Variants in EFCAB6 observed in about 807,000 individuals in gnomAD.
EFCAB6 encodes EF-hand calcium binding domain 6.
A neutral mutation model predicts 169.8 loss-of-function variants in EFCAB6; 156 were observed. The ratio of observed to expected loss-of-function variants is 0.92; its 90% CI spans 0.81 to 1.05. The LOEUF is 1.05. Ranked by LOEUF, EFCAB6 falls within the 50% of genes least tolerant of loss-of-function variation. EFCAB6 has a pLI of 0.00. For synonymous variants in EFCAB6, 698 were observed against 676.4 expected, an observed-to-expected ratio of 1.03 and a Z score of -0.50; for missense variants, 1,800 against 1,829.1, an observed-to-expected ratio of 0.98 and a Z score of 0.29.
At chr22:43,682,772 G>A (rs997588686) in intron 12 of EFCAB6, among the ~76,000 whole-genome samples, 5 of 152,156 alleles carry the variant, frequency 3.3e-5, no homozygotes, top group Non-Finnish European at 7.4e-5. Context: ...CATTTAAGAC[G>A]GTGCCTGGCA....
At chr22:43,618,222 G>GAAAGAA (rs1346599117) in intron 20 of EFCAB6, among the ~76,000 whole-genome samples, 1 of 98,408 alleles carries the variant, frequency 1.0e-5, no homozygotes, top group Non-Finnish European at 2.2e-5. Context: ...AAGAAAGAAA[G>GAAAGAA]AGAAAGAAAG....
At chr22:43,676,592 A>T (rs2057773684) in intron 13 of EFCAB6, among the ~76,000 whole-genome samples, 1 of 152,152 alleles carries the variant, frequency 6.6e-6, no homozygotes, top group African/African-American at 2.4e-5. Context: ...CATATTTTCT[A>T]ATCTACAATG....
intron 21 of EFCAB6, among the ~76,000 whole-genome samples, chr22:43,612,768 C>G (rs888852502): frequency 6.6e-6 from 1 of 152,036 alleles, no homozygotes; most frequent in African/African-American, 2.4e-5. Context: ...GTGGCATGCA[C>G]CTGTAGTCCG....
chr22:43,591,622 G>C (rs1195521337), intron 23 of EFCAB6, among the ~76,000 whole-genome samples: 1 of 152,158 alleles, frequency 6.6e-6, no homozygotes, highest in African/African-American at 2.4e-5. Context: ...AACAGGAACA[G>C]GACAGCATGC....
intron 8 of EFCAB6, among the ~76,000 whole-genome samples, chr22:43,728,802 ATATTAGACC>A (rs2059831965): frequency 6.6e-6 from 1 of 152,026 alleles, no homozygotes; most frequent in Non-Finnish European, 1.5e-5. Context: ...TAGATTCTGG[ATATTAGACC>A]TCTGTCAGAT....
chr22:43,622,750 G>C (rs1363394335), intron 20 of EFCAB6, among the ~76,000 whole-genome samples: 2 of 152,094 alleles, frequency 1.3e-5, no homozygotes, highest in African/African-American at 2.4e-5. Context: ...CTAAAAAAGA[G>C]AGAGAGAGAG....
chr22:43,753,104 T>C (rs527247694), intron 6 of EFCAB6, among the ~76,000 whole-genome samples: 2 of 152,258 alleles, frequency 1.3e-5, no homozygotes, highest in Admixed American at 1.3e-4. Context: ...TGAGAAACCA[T>C]CCACGGCACC....
intron 8 of EFCAB6, among the ~76,000 whole-genome samples, chr22:43,731,169 T>C (rs1031089386): frequency 2.5e-4 from 38 of 152,164 alleles, no homozygotes; most frequent in African/African-American, 8.9e-4. Context: ...GGGCGTCGTA[T>C]GGAGGAGGCT....
intron 17 of EFCAB6, among the ~76,000 whole-genome samples, chr22:43,637,025 A>C (rs2055454734): frequency 6.6e-6 from 1 of 152,184 alleles, no homozygotes; most frequent in Non-Finnish European, 1.5e-5. Flanking sequence ...GGGAGCGGCA[A>C]GCAGCTCTGC....
chr22:43,546,321 G>A (rs1483269034), intron 27 of EFCAB6, among the ~76,000 whole-genome samples: 1 of 152,180 alleles, frequency 6.6e-6, no homozygotes, highest in African/African-American at 2.4e-5. Context: ...TGAAGATAGA[G>A]TACAACAGTC....
At chr22:43,666,993 G>A (rs2157231) in intron 17 of EFCAB6, 111 bp downstream of exon 17, 3 of 1,286,714 alleles carry the variant, frequency 2.3e-6, no homozygotes, top group South Asian at 2.3e-5. Context: ...AAGATGCCTA[G>A]AAATGGATCT....
At chr22:43,682,807 T>C (rs1475518066) in intron 12 of EFCAB6, among the ~76,000 whole-genome samples, 1 of 152,218 alleles carries the variant, frequency 6.6e-6, no homozygotes, top group Non-Finnish European at 1.5e-5. Context: ...AACATTATTG[T>C]TCATTCAGAG....
chr22:43,578,591 A>C (rs2050414988), intron 25 of EFCAB6, among the ~76,000 whole-genome samples: 2 of 152,028 alleles, frequency 1.3e-5, no homozygotes, highest in Non-Finnish European at 2.9e-5. Flanking sequence ...ATCCAAGGAC[A>C]CCAGCACAGT....
intron 6 of EFCAB6, among the ~76,000 whole-genome samples, chr22:43,737,599 TCA>T (rs1352372677): frequency 2.2e-5 from 3 of 136,510 alleles, no homozygotes; most frequent in East Asian, 2.3e-4. Context: ...ACACCATCAC[TCA>T]CACACATATA....
At chr22:43,631,041 C>T (rs2054903183) in intron 19 of EFCAB6, among the ~76,000 whole-genome samples, 1 of 151,910 alleles carries the variant, frequency 6.6e-6, no homozygotes, top group African/African-American at 2.4e-5. Flanking sequence ...AAATGAATCT[C>T]CAGGGGTGAT....
At chr22:43,784,245 G>T (rs191964335) in intron 2 of EFCAB6, among the ~76,000 whole-genome samples, 1 of 152,002 alleles carries the variant, frequency 6.6e-6, no homozygotes, top group Non-Finnish European at 1.5e-5. Flanking sequence ...CAAACTCAAT[G>T]AAATTACTCT....
At chr22:43,539,885 C>T (rs1399027834) in intron 28 of EFCAB6, among the ~76,000 whole-genome samples, 1 of 152,190 alleles carries the variant, frequency 6.6e-6, no homozygotes, top group South Asian at 2.1e-4. Flanking sequence ...CCACCTTGCA[C>T]CCGCTCTTGC....
At chr22:43,548,257 G>C (rs552757899) in intron 27 of EFCAB6, among the ~76,000 whole-genome samples, 1 of 152,036 alleles carries the variant, frequency 6.6e-6, no homozygotes, top group Non-Finnish European at 1.5e-5. Context: ...AAAAAATCCA[G>C]CTGGGCAAGG....
At chr22:43,650,793 T>C (rs1170612469) in intron 17 of EFCAB6, among the ~76,000 whole-genome samples, 3 of 152,202 alleles carry the variant, frequency 2.0e-5, no homozygotes, top group African/African-American at 7.2e-5. Flanking sequence ...TGTTGGGAAC[T>C]GGAGCAAAGG....
Sources: allele counts gnomAD v4.1 joint callset (sites outside exome capture counted in the v4.1 genomes callset), GRCh38; gene constraint gnomAD v4.1.1; transcripts MANE v1.5; gene names NCBI Gene and HGNC (gene_info 2026-07-23, HGNC 2026-07-21).